SSTR3: variants seen among roughly 807,000 people sequenced by gnomAD.
The protein encoded by SSTR3 is somatostatin receptor 3, also known as somatostatin receptor type 3.
For missense variants in SSTR3, 504 were observed against 604.7 expected (o/e 0.83, Z 1.75); for synonymous variants, 281 against 269.2 (o/e 1.04, Z -0.43).
In SSTR3 at chr22:37,207,840, C is replaced by T. The variant is rs773108970; in HGVS notation, c.-36-1G>A. On this transcript the variant is annotated splice_acceptor_variant, in intron 1 of 1. Transcript: ENST00000610913. LOFTEE classifies it low-confidence loss of function (5UTR_SPLICE). Reference sequence around the variant, plus strand: ...GGGTGGTCAGCAGTCAGCTATTTGCCTGGGGGAAGGAAAAACAGCTCGGTC... The same window carrying T: ...GGGTGGTCAGCAGTCAGCTATTTGCTTGGGGGAAGGAAAAACAGCTCGGTC... 5 of 1,481,310 alleles carry T rather than the reference C, an allele frequency of 3.4e-6. No homozygotes were observed. Among genetic ancestry groups the T allele is most frequent in the Non-Finnish European group, 3.6e-6 (4 of 1,118,278 alleles). 91.8% of individuals were successfully genotyped at this position (1,481,310 alleles called of 1,614,324 possible).
chr22:37,217,504 C>A, the SSTR3 span, among the ~76,000 whole-genome samples: 1 of 151,946 alleles, frequency 6.6e-6, no homozygotes, highest in Non-Finnish European at 1.5e-5. Context: ...TTCTGTAACT[C>A]CTATTATATT....
Position 37,207,455 on chromosome 22 carries a change from G to A in SSTR3, c.349C>T (p.Arg117Cys), listed in dbSNP as rs778868708. 11 of 1,613,554 alleles carry A rather than the reference G, an allele frequency of 6.8e-6. No homozygotes were observed. Among genetic ancestry groups the A allele is most frequent in the East Asian group, 2.2e-5 (1 of 44,896 alleles). ...ATGCCATCCACCGCCATGACCAGGCGGCACATGAGGGAGCCGAAGGGCCAG... is the reference window on the plus strand; with the variant it reads ...ATGCCATCCACCGCCATGACCAGGCAGCACATGAGGGAGCCGAAGGGCCAG... ...SYWPFGSLMC[R>C]LVMAVDGINQ... is the part of the protein sequence containing the mutation. The change falls in exon 2 of 2, where the codon CGC (arginine) becomes TGC (cysteine). Residue 117 changes from arginine to cysteine, a missense_variant. Transcript: ENST00000610913.
In SSTR3 at chr22:37,207,186, G is replaced by C. The variant is rs779253764; in HGVS notation, c.618C>G (p.Phe206Leu). The C allele has an allele frequency of 6.2e-7, 1 of 1,611,918 alleles. No individual in the cohort carries two copies. Among genetic ancestry groups the C allele is most frequent in the Admixed American group, 1.7e-5 (1 of 59,952 alleles). ...AGCCCAGTGCGGCCGTGTAGATGAT[G>C]AAGCCGGCTCGCCAGGCCGCCGCCG... The part of the protein sequence containing the change: ...PEPAAAWRAG[F>L]IIYTAALGFF... The change falls in exon 2 of 2, where the codon TTC becomes TTG. Residue 206 changes from phenylalanine to leucine, a missense_variant. By Grantham distance (22) the Phe-to-Leu change is conservative (BLOSUM62 0). Coordinates refer to ENST00000610913, the MANE Select transcript of SSTR3 (RefSeq NM_001051.5).
chr22:37,213,043 G>A (rs574623712), upstream of SSTR3, among the ~76,000 whole-genome samples: 35 of 152,328 alleles, frequency 2.3e-4, no homozygotes, highest in African/African-American at 7.2e-4. Flanking sequence ...ATTTTGTAAT[G>A]TAGGTCCACT....
At chr22:37,207,947 G>T in intron 1 of SSTR3, 108 bp from the exon 2 acceptor site, 3 of 1,345,294 alleles carry the variant, frequency 2.2e-6, no homozygotes, top group Non-Finnish European at 2.8e-6. Context: ...TCCTCCCATC[G>T]TCTGAGAGAT....
Position 37,212,193 on chromosome 22 carries a change from CG to C in SSTR3, c.-406del. 1 of 921,132 alleles carries C rather than the reference CG, an allele frequency of 1.1e-6. No homozygotes were observed. The highest frequency in any genetic ancestry group is 1.3e-6 in the Non-Finnish European group (1 of 789,154). The allele number at this position is 921,132 out of a possible 1,614,324, so 57.1% of individuals were successfully genotyped here. On this transcript the variant is annotated 5_prime_UTR_variant, in exon 1 of 2. The change creates a premature stop within an existing upstream ORF in the 5' untranslated region. Transcript: ENST00000610913. ...AATAGAAATAGAGGGGAAAGGGGGT[CG>C]GGAGGAGGTGGAGAAAGAGAGAGAG...
chr22:37,213,659 G>A (rs1196568262), upstream of SSTR3, among the ~76,000 whole-genome samples: 5 of 152,162 alleles, frequency 3.3e-5, no homozygotes, highest in African/African-American at 7.2e-5. Context: ...GTCCTTGTCC[G>A]TACAAGTTCA....
chr22:37,209,096 T>C (rs1926033844), intron 1 of SSTR3, among the ~76,000 whole-genome samples: 1 of 152,184 alleles, frequency 6.6e-6, no homozygotes, highest in African/African-American at 2.4e-5. Flanking sequence ...GAAGGGAAGA[T>C]AAATCTCTCA....
Position 37,206,536 on chromosome 22 carries a change from TC to T in SSTR3, c.*10del. 1 of 1,586,624 alleles carries T rather than the reference TC, an allele frequency of 6.3e-7. No homozygotes were observed. On this transcript the variant is annotated 3_prime_UTR_variant, in exon 2 of 2. Coordinates refer to ENST00000610913, the MANE Select transcript of SSTR3 (RefSeq NM_001051.5). ...CCTCTTCCTCGGGCCATCCTGGCTT[TC>T]CCCAGGCCCCTACAGGTAGCTGATG...
intron 1 of SSTR3, among the ~76,000 whole-genome samples, chr22:37,208,480 A>G (rs1287305663): frequency 1.3e-5 from 2 of 152,040 alleles, no homozygotes; most frequent in Non-Finnish European, 1.5e-5. Context: ...GGCCCTGCCC[A>G]GGAAGGTTGG....
rs1434042790 is a variant in SSTR3 at position 37,205,655 on chromosome 22, G to A, written c.*892C>T. The A allele has an allele frequency of 1.3e-5, 2 of 152,172 alleles. No individual in the cohort carries two copies. The highest frequency in any genetic ancestry group is 6.5e-5 in the Admixed American group (1 of 15,270). The allele number at this position is 152,172 out of a possible 1,614,324, so 9.4% of individuals were successfully genotyped here. ...GTGCCTGGAAGCCCTCAAAAGACCTGGGAACCCCCGGGGGCCCCTACTCCA... is the reference window on the plus strand; with the variant it reads ...GTGCCTGGAAGCCCTCAAAAGACCTAGGAACCCCCGGGGGCCCCTACTCCA... On this transcript the variant is annotated 3_prime_UTR_variant, in exon 2 of 2. Transcript: ENST00000610913.
chr22:37,207,449 C>A lies in SSTR3; in HGVS notation c.355G>T (p.Val119Phe), dbSNP rs1478365821. The A allele has an allele frequency of 6.2e-7, 1 of 1,613,562 alleles. No individual in the cohort carries two copies. Among genetic ancestry groups the A allele is most frequent in the Non-Finnish European group, 8.5e-7 (1 of 1,180,004 alleles). ...TGGTTGATGCCATCCACCGCCATGA[C>A]CAGGCGGCACATGAGGGAGCCGAAG... is the stretch of plus-strand genomic sequence containing the variant. ...WPFGSLMCRL[V>F]MAVDGINQFT... Residue 119 changes from valine to phenylalanine, a missense_variant, in exon 2 of 2, where the codon GTC becomes TTC. By Grantham distance (50) the Val-to-Phe change is conservative. Coordinates refer to ENST00000610913, the MANE Select transcript of SSTR3 (RefSeq NM_001051.5).
Position 37,207,034 on chromosome 22 carries a change from C to T in SSTR3, c.770G>A (p.Arg257His), listed in dbSNP as rs202229747. The change falls in exon 2 of 2, where the codon CGC (arginine) becomes CAC (histidine). Residue 257 changes from arginine (R) to histidine (H), a missense_variant. Arg to His is a conservative substitution (Grantham distance 29). Coordinates refer to ENST00000610913, the MANE Select transcript of SSTR3 (RefSeq NM_001051.5). ...RRRRSERRVT[R>H]MVVAVVALFV... ...GAGCGCCACCACGGCCACCACCATG[C>T]GCGTGACCCTGCGTTCGGAGCGCCG... The T allele has an allele frequency of 2.7e-5, 44 of 1,612,932 alleles. 1 individual carries two copies. In the East Asian group the frequency reaches 4.2e-4, roughly 16 times the overall value.
upstream of SSTR3, among the ~76,000 whole-genome samples, chr22:37,212,606 A>G (rs1012678004): frequency 2.6e-5 from 4 of 152,126 alleles, no homozygotes; most frequent in African/African-American, 9.7e-5. Flanking sequence ...TCAGCCACCC[A>G]CGCCCGCTGG....
rs961176136 is a variant in SSTR3 at position 37,204,806 on chromosome 22, T to C, written c.*1741A>G. 1 of 152,258 alleles carries C rather than the reference T, an allele frequency of 6.6e-6. No homozygotes were observed. Among genetic ancestry groups the C allele is most frequent in the Non-Finnish European group, 1.5e-5 (1 of 68,064 alleles). 9.4% of individuals were successfully genotyped at this position (152,258 alleles called of 1,614,324 possible). Reference sequence around the variant, plus strand: ...TCATCTCCATTTGTTGATGGGGAAATTGAGGCCCGGAAGGCCAATGCCAGC... The same window carrying C: ...TCATCTCCATTTGTTGATGGGGAAACTGAGGCCCGGAAGGCCAATGCCAGC... On this transcript the variant is annotated 3_prime_UTR_variant, in exon 2 of 2. Transcript: ENST00000610913.
intron 1 of SSTR3, 144 bp from the exon 2 acceptor site, chr22:37,207,983 CG>C: frequency 7.6e-7 from 1 of 1,323,944 alleles, no homozygotes; most frequent in Non-Finnish European, 9.6e-7. Context: ...GTGCTTAGCA[CG>C]CACCATCTCA....
the SSTR3 span, among the ~76,000 whole-genome samples, chr22:37,219,446 T>A: frequency 6.6e-6 from 1 of 152,242 alleles, no homozygotes; most frequent in East Asian, 1.9e-4. Flanking sequence ...TCATTTTACC[T>A]TCCTTGAGGT....
the SSTR3 span, among the ~76,000 whole-genome samples, chr22:37,218,375 G>A: frequency 2.0e-5 from 3 of 152,094 alleles, no homozygotes; most frequent in South Asian, 2.1e-4. Context: ...GACCAACGTG[G>A]AGAAACCCCG....
In SSTR3 at chr22:37,206,803, C is replaced by A; in HGVS notation, c.1001G>T (p.Arg334Leu). ...FRRVLLRPSR[R>L]VRSQEPTVGP... ...CACAGTGGGCTCCTGGCTGCGCACACGGCGGGAGGGCCGCAGCAGGACCCT... is the reference window on the plus strand; with the variant it reads ...CACAGTGGGCTCCTGGCTGCGCACAAGGCGGGAGGGCCGCAGCAGGACCCT... Residue 334 changes from arginine (R) to leucine (L), a missense_variant, in exon 2 of 2, where the codon CGT (arginine) becomes CTT (leucine). Physicochemically the swap from Arg to Leu is moderately radical, Grantham distance 102. Transcript: ENST00000610913. 1.2e-6 allele frequency: 2 copies of A among 1,612,336 alleles called. No individual in the cohort carries two copies. The highest frequency in any genetic ancestry group is 1.7e-6 in the Non-Finnish European group (2 of 1,179,922).
Sources: allele counts gnomAD v4.1 joint callset (sites outside exome capture counted in the v4.1 genomes callset), GRCh38; gene constraint gnomAD v4.1.1; transcripts MANE v1.5; gene names NCBI Gene and HGNC (gene_info 2026-07-23, HGNC 2026-07-21).